GET4: variants seen among roughly 807,000 people sequenced by gnomAD.
GET4 encodes guided entry of tail-anchored proteins factor 4.
In GET4, 20 loss-of-function variants were observed where a neutral mutation model predicts 40.0. The ratio of observed to expected loss-of-function variants is 0.50; its 90% confidence interval spans 0.35 to 0.73. The LOEUF (loss-of-function observed/expected upper bound fraction) is 0.73, where lower values mean the gene tolerates loss of function less well. Ranked by LOEUF, GET4 falls within the 30% of genes least tolerant of loss-of-function variation. The probability of loss-of-function intolerance (pLI) is 0.01; values close to 1 mark genes in which losing one functional copy is unlikely to be tolerated. For synonymous variants in GET4, 280 were observed against 194.6 expected, an observed-to-expected ratio of 1.44 and a Z score of -3.65; for missense variants, 557 against 454.0, an observed-to-expected ratio of 1.23 and a Z score of -2.06.
At chr7:887,605 C>T in intron 4 of GET4, 86 bp downstream of exon 4, 1 of 1,077,186 alleles carries the variant, frequency 9.3e-7, no homozygotes, top group South Asian at 2.1e-5. Context: ...CAGGGTCACC[C>T]ACCAGGGCAG....
At position 893,751 on chromosome 7, in the gene GET4, C is replaced by T. The variant is rs772295368; in HGVS notation, c.758C>T (p.Thr253Met). The T allele has an allele frequency of 3.6e-5, 57 of 1,604,714 alleles. No homozygotes were observed. The highest frequency in any genetic ancestry group is 1.7e-4 in the Middle Eastern group (1 of 6,048). ...LLLAVDGGKLTVFTVLCEQYQ... is the reference protein window; with the variant it reads ...LLLAVDGGKLMVFTVLCEQYQ... ...TGTCTCTGTCCCAGTGGGAAGCTGA[C>T]GGTGTTCACTGTGCTGTGTGAGCAG... Residue 253 changes from threonine (T) to methionine (M), a missense_variant, in exon 7 of 9, where the codon ACG becomes ATG. Thr to Met is a moderately conservative substitution (Grantham distance 81). Coordinates refer to ENST00000265857, the MANE Select transcript of GET4 (RefSeq NM_015949.3).
At chr7:886,421 G>A (rs995250782) in intron 2 of GET4, 148 bp from the exon 3 acceptor site, 12 of 658,342 alleles carry the variant, frequency 1.8e-5, no homozygotes, top group African/African-American at 1.1e-4. Context: ...TCTCTTTTTC[G>A]GCGGCATTGC....
intron 1 of GET4, 80 bp downstream of exon 1, chr7:876,880 C>G (rs886257825): frequency 1.8e-4 from 140 of 788,108 alleles, no homozygotes; most frequent in Middle Eastern, 5.5e-4. Context: ...GCCCCGCGCC[C>G]CCATTGGGCC....
intron 1 of GET4, among the ~76,000 whole-genome samples, chr7:877,499 C>A (rs1189447301): frequency 3.9e-5 from 3 of 76,922 alleles, no homozygotes; most frequent in Non-Finnish European, 7.8e-5. Flanking sequence ...CCTCTGCCCA[C>A]CCCCCGTCTC....
chr7:895,446 C>T lies in GET4; in HGVS notation c.*24C>T, dbSNP rs2272377. 291 of 1,286,466 alleles carry T rather than the reference C, an allele frequency of 2.3e-4. 1 individual carries two copies. The East Asian group carries it at 6.7e-3, about 30-fold the overall frequency. The allele number at this position is 1,286,466 out of a possible 1,614,324, so 79.7% of individuals were successfully genotyped here. On this transcript the variant is annotated 3_prime_UTR_variant, in exon 9 of 9. Transcript: ENST00000265857. ...GAACTGGCCAGGCCACGTGGAGACA[C>T]CACGGTCGACGACGGCTGGAGGGAC...
rs945019967 is a variant in GET4 at position 884,884 on chromosome 7, C to G, written c.156-1172C>G. The G allele has an allele frequency of 2.6e-5, 4 of 153,408 alleles. No homozygotes were observed. The Admixed American group carries it at 2.6e-4, about 10-fold the overall frequency. 9.5% of individuals were successfully genotyped at this position (153,408 alleles called of 1,614,324 possible). A position where few individuals can be genotyped will look rare whatever the true frequency, so the allele number is the denominator to read the frequency against. On this transcript the variant is annotated intron_variant, in intron 1 of 8. Coordinates refer to ENST00000265857, the MANE Select transcript of GET4 (RefSeq NM_015949.3). ...GCGGCCTTGACTACCCGGACTCAAG[C>G]AGTCCTCCCACCTCAGCCTCCCGAG...
rs749240002 is a variant in GET4, at chr7:895,691, G to A, written c.*269G>A. Reference sequence around the variant, plus strand: ...AATAAAGCACAGGCCTTACCGCGGCGTCACCCTCTCCCACTCCTTTGTTCT... The same window carrying A: ...AATAAAGCACAGGCCTTACCGCGGCATCACCCTCTCCCACTCCTTTGTTCT... On this transcript the variant is annotated 3_prime_UTR_variant, in exon 9 of 9. Transcript: ENST00000265857. 1.3e-4 allele frequency: 36 copies of A among 281,084 alleles called. No homozygotes were observed. Among genetic ancestry groups the A allele is most frequent in the African/African-American group, 3.5e-4 (16 of 45,232 alleles). The allele number at this position is 281,084 out of a possible 1,614,324, so 17.4% of individuals were successfully genotyped here. A position where few individuals can be genotyped will look rare whatever the true frequency, so the allele number is the denominator to read the frequency against.
chr7:890,825 G>C (rs1844303329), intron 4 of GET4, 103 bp from the exon 5 acceptor site: 1 of 929,008 alleles, frequency 1.1e-6, no homozygotes, highest in South Asian at 1.4e-5. Context: ...TCTCCTCCAG[G>C]GCGGGCAGGT....
Position 886,548 on chromosome 7 carries a change from G to C in GET4, c.235-21G>C, listed in dbSNP as rs371146398. On this transcript the variant is annotated intron_variant, in intron 2 of 8. Transcript: ENST00000265857. The stretch of plus-strand genomic sequence containing the variant: ...GGTCAGGGCTTTGTTCTTGATTCTT[G>C]TGTGTTGCTTTCTCTTGTAGCAAAA... 8.2e-6 allele frequency: 13 copies of C among 1,577,206 alleles called. No homozygotes were observed. In the Admixed American group the frequency reaches 2.0e-4, roughly 24 times the overall value.
intron 2 of GET4, chr7:886,338 A>T: frequency 1.7e-6 from 1 of 604,632 alleles, no homozygotes; most frequent in Non-Finnish European, 3.0e-6. Flanking sequence ...GCGTTTGTGC[A>T]CGATGGGGCT....
rs1043143079 is a variant in GET4, at chr7:889,423, C to A, written c.467-1505C>A. 2.6e-5 allele frequency among the ~76,000 whole-genome samples: 4 copies of A among 152,242 alleles called. No individual in the cohort carries two copies. In the East Asian group the frequency reaches 7.7e-4, roughly 29 times the overall value. On this transcript the variant is annotated intron_variant, in intron 4 of 8. Coordinates refer to ENST00000265857, the MANE Select transcript of GET4 (RefSeq NM_015949.3). ...CTTCCCTCCTGGGGATGAAATCACA[C>A]CCATAGGTAAAGGTTTGGGAGTGGA...
chr7:880,529 C>G (rs1259495273), intron 1 of GET4: 2 of 152,240 alleles, frequency 1.3e-5, no homozygotes, highest in Non-Finnish European at 2.9e-5. Context: ...CATTCTGCTC[C>G]CTTAAGCCCT....
At position 889,282 on chromosome 7, in the gene GET4, C is replaced by G. The variant is rs10232786; in HGVS notation, c.467-1646C>G. On this transcript the variant is annotated intron_variant, in intron 4 of 8. Coordinates refer to ENST00000265857, the MANE Select transcript of GET4 (RefSeq NM_015949.3). ...CTTTGATGGACCTCACCCGGGGAGC[C>G]CAGGCCTGCTCCACGGCAAGGTGGC... Among the ~76,000 whole-genome samples the G allele has an allele frequency of 2.9e-3, 435 of 152,366 alleles. 4 individuals carry two copies. Among genetic ancestry groups the G allele is most frequent in the African/African-American group, 1.0e-2 (415 of 41,594 alleles).
At chr7:877,279 C>T (rs932523879) in intron 1 of GET4, among the ~76,000 whole-genome samples, 235 of 147,248 alleles carry the variant, frequency 1.6e-3, no homozygotes, top group Non-Finnish European at 2.3e-3. Context: ...CCCCTCGTCT[C>T]TCTGTCCTCG....
intron 1 of GET4, chr7:885,491 G>C (rs1179414052): frequency 1.3e-5 from 2 of 153,218 alleles, no homozygotes; most frequent in East Asian, 3.8e-4. Context: ...CTGGGAGTGG[G>C]GACGTGATGC....
intron 2 of GET4, 126 bp downstream of exon 2, chr7:886,260 G>A (rs1468855839): frequency 6.0e-6 from 4 of 668,390 alleles, no homozygotes; most frequent in South Asian, 1.7e-5. Context: ...CTGGGGCTGT[G>A]GGTGGCAGAG....
chr7:881,356 C>T (rs1844082266), intron 1 of GET4: 1 of 152,190 alleles, frequency 6.6e-6, no homozygotes, highest in South Asian at 2.1e-4. Context: ...CACCCCACCC[C>T]ATCCCCGGCA....
intron 8 of GET4, among the ~76,000 whole-genome samples, chr7:894,509 G>A (rs1198888859): frequency 6.6e-6 from 1 of 152,180 alleles, no homozygotes; most frequent in Non-Finnish European, 1.5e-5. Context: ...TGTCTGCCCT[G>A]GTGCAGCTGC....
intron 1 of GET4, among the ~76,000 whole-genome samples, chr7:879,347 A>G (rs1177571940): frequency 6.6e-6 from 1 of 152,202 alleles, no homozygotes. Flanking sequence ...CCAGCCACGG[A>G]GTGGATGCCA....
Sources: gnomAD v4.1 joint callset for allele counts (sites outside exome capture counted in the v4.1 genomes callset) on GRCh38, gnomAD v4.1.1 for gene constraint, MANE v1.5 for transcripts, NCBI Gene and HGNC (gene_info 2026-07-23, HGNC 2026-07-21) for gene names.